Variants in ASAP2 observed in about 807,000 individuals in gnomAD.
ASAP2 encodes the protein ArfGAP with SH3 domain, ankyrin repeat and PH domain 2, also known as arf-GAP with SH3 domain, ANK repeat and PH domain-containing protein 2.
Under a neutral mutation model 131.4 loss-of-function variants are expected in ASAP2, and 45 were observed. That is an observed-to-expected ratio of 0.34 (90% CI 0.27 to 0.44). The LOEUF (loss-of-function observed/expected upper bound fraction) is 0.44. Among genes scored for constraint, ASAP2 ranks in the 20% least tolerant of loss-of-function variants. The pLI is 1.00. For missense variants in ASAP2, 1,011 were observed against 1,297.0 expected, an observed-to-expected ratio of 0.78 and a Z score of 3.39; for synonymous variants, 510 against 503.0, an observed-to-expected ratio of 1.01 and a Z score of -0.19.
intron 1 of ASAP2, among the ~76,000 whole-genome samples, chr2:9,239,881 C>T (rs1374572355): frequency 6.6e-6 from 1 of 152,092 alleles, no homozygotes; most frequent in Non-Finnish European, 1.5e-5. Flanking sequence ...TGCACACCAC[C>T]ATGCCCCAGT....
At chr2:9,379,789 T>G (rs928362765) in intron 19 of ASAP2, among the ~76,000 whole-genome samples, 3 of 152,036 alleles carry the variant, frequency 2.0e-5, no homozygotes, top group Admixed American at 6.6e-5. Flanking sequence ...GGTCAAGAGA[T>G]CGAGACCATC....
intron 27 of ASAP2, among the ~76,000 whole-genome samples, chr2:9,401,782 A>G (rs1676702681): frequency 2.0e-5 from 3 of 152,258 alleles, no homozygotes; most frequent in Non-Finnish European, 4.4e-5. Context: ...GTCCTGAAAC[A>G]AGCTGTGGCC....
chr2:9,317,384 CCACA>C (rs141487278), intron 3 of ASAP2, among the ~76,000 whole-genome samples: 14 of 149,420 alleles, frequency 9.4e-5, no homozygotes, highest in East Asian at 4.0e-4. Flanking sequence ...CAACTCACAT[CCACA>C]CACACACCCT....
chr2:9,369,507 T>C lies in ASAP2; in HGVS notation c.1556+988T>C, dbSNP rs180998444. On this transcript the variant is annotated intron_variant, in intron 16 of 27. Transcript: ENST00000281419. ...GCTCTGTTTAGTATTATGGCTCTTA[T>C]GTCTATAGGGGGACATGGGTGGTTT... is the stretch of plus-strand genomic sequence containing the variant. 1.9e-3 allele frequency among the ~76,000 whole-genome samples: 293 copies of C among 152,296 alleles called. 1 individual carries two copies. Among genetic ancestry groups the C allele is most frequent in the Non-Finnish European group, 2.0e-3 (134 of 68,028 alleles).
intron 1 of ASAP2, among the ~76,000 whole-genome samples, chr2:9,228,249 G>T (rs1299797013): frequency 6.6e-6 from 1 of 152,140 alleles, no homozygotes; most frequent in Admixed American, 6.5e-5. Flanking sequence ...CCTTTTGAGA[G>T]AATCATATCT....
chr2:9,271,539 A>G lies in ASAP2; in HGVS notation c.127-7778A>G, dbSNP rs1666396040. The G allele has an allele frequency of 1.4e-5, 21 of 1,546,968 alleles. No individual in the cohort carries two copies. The South Asian group carries it at 2.3e-4, about 17-fold the overall frequency. ...TTCTCTGTTGAATTCTTATATGGATATAATCCTCAGTGCCAGCAGGAAGCA... is the reference window on the plus strand; with the variant it reads ...TTCTCTGTTGAATTCTTATATGGATGTAATCCTCAGTGCCAGCAGGAAGCA... On this transcript the variant is annotated intron_variant, in intron 1 of 27. Coordinates refer to ENST00000281419, the MANE Select transcript of ASAP2 (RefSeq NM_003887.3).
At chr2:9,284,916 C>A (rs1667371353) in intron 2 of ASAP2, among the ~76,000 whole-genome samples, 1 of 152,190 alleles carries the variant, frequency 6.6e-6, no homozygotes, top group Non-Finnish European at 1.5e-5. Flanking sequence ...AGATGCCTTA[C>A]AATGGAGGCT....
chr2:9,391,771 G>T (rs1253538698), intron 23 of ASAP2, among the ~76,000 whole-genome samples: 1 of 148,098 alleles, frequency 6.8e-6, no homozygotes, highest in African/African-American at 2.5e-5. Flanking sequence ...TTTTAGTAGA[G>T]ATGGGGTTTC....
chr2:9,399,505 T>G, intron 24 of ASAP2: 1 of 156,360 alleles, frequency 6.4e-6, no homozygotes, highest in Non-Finnish European at 1.4e-5. Context: ...GTTTCTACCT[T>G]GTGGCTTTGG....
chr2:9,226,227 T>C (rs1662758757), intron 1 of ASAP2, among the ~76,000 whole-genome samples: 1 of 152,224 alleles, frequency 6.6e-6, no homozygotes, highest in Non-Finnish European at 1.5e-5. Flanking sequence ...AATCCAATCT[T>C]ATCTCTACTT....
chr2:9,298,718 A>T (rs1668305144), intron 3 of ASAP2, among the ~76,000 whole-genome samples: 1 of 152,194 alleles, frequency 6.6e-6, no homozygotes, highest in Non-Finnish European at 1.5e-5. Flanking sequence ...AGATCCGTAG[A>T]TGCTGCCATG....
intron 1 of ASAP2, among the ~76,000 whole-genome samples, chr2:9,258,169 A>G (rs565886500): frequency 6.6e-6 from 1 of 151,502 alleles, no homozygotes; most frequent in South Asian, 2.1e-4. Context: ...ATGCAGTGGA[A>G]TTCTTCATTA....
intron 16 of ASAP2, among the ~76,000 whole-genome samples, chr2:9,372,459 T>G (rs920948821): frequency 6.6e-6 from 1 of 152,230 alleles, no homozygotes; most frequent in Non-Finnish European, 1.5e-5. Flanking sequence ...CCTGTGACTT[T>G]AAGCAAAATG....
intron 24 of ASAP2, 27 bp downstream of exon 24, chr2:9,393,674 A>AGC: frequency 6.5e-7 from 1 of 1,545,344 alleles, no homozygotes; most frequent in Admixed American, 1.9e-5. Flanking sequence ...CAGCTCGGCC[A>AGC]TCCGTGCTCC....
chr2:9,238,168 T>C (rs1239273164), intron 1 of ASAP2, among the ~76,000 whole-genome samples: 2 of 152,190 alleles, frequency 1.3e-5, no homozygotes, highest in African/African-American at 4.8e-5. Context: ...CGGATGAGCT[T>C]ATTGATGGTG....
intron 9 of ASAP2, among the ~76,000 whole-genome samples, chr2:9,340,725 G>T (rs965365191): frequency 6.6e-6 from 1 of 152,220 alleles, no homozygotes; most frequent in Non-Finnish European, 1.5e-5. Context: ...TGGGCAAAAT[G>T]TCAGTTTTTA....
chr2:9,345,620 G>A (rs1671913261), intron 11 of ASAP2, among the ~76,000 whole-genome samples: 1 of 152,110 alleles, frequency 6.6e-6, no homozygotes, highest in Non-Finnish European at 1.5e-5. Context: ...GAGAGATGCT[G>A]AGGGTTGTTT....
chr2:9,273,264 T>C (rs1054271887), intron 1 of ASAP2, among the ~76,000 whole-genome samples: 2 of 152,216 alleles, frequency 1.3e-5, no homozygotes, highest in African/African-American at 2.4e-5. Flanking sequence ...ATCCTGTACT[T>C]CTTTGGTTAA....
intron 1 of ASAP2, among the ~76,000 whole-genome samples, chr2:9,278,452 G>A (rs1032305759): frequency 3.3e-5 from 5 of 151,402 alleles, no homozygotes; most frequent in African/African-American, 1.2e-4. Context: ...GGCAGAGGCT[G>A]CAGTGAGCCA....
Sources: allele counts gnomAD v4.1 joint callset (sites outside exome capture counted in the v4.1 genomes callset), GRCh38; gene constraint gnomAD v4.1.1; transcripts MANE v1.5; gene names NCBI Gene and HGNC (gene_info 2026-07-23, HGNC 2026-07-21).